ALK: variants seen among roughly 807,000 people sequenced by gnomAD.
ALK encodes the protein ALK tyrosine kinase receptor.
In ALK, 74 loss-of-function variants were observed where a neutral mutation model predicts 163.1. The ratio of observed to expected loss-of-function variants is 0.45; its 90% CI spans 0.38 to 0.55. The LOEUF is 0.55. Ranked by LOEUF, ALK falls within the 20% of genes least tolerant of loss-of-function variation. ALK has a pLI of 0.00. For missense variants in ALK, 2,063 were observed against 2,105.3 expected, an observed-to-expected ratio of 0.98 and a Z score of 0.39; for synonymous variants, 960 against 843.2, an observed-to-expected ratio of 1.14 and a Z score of -2.40.
At chr2:29,768,737 G>GTGTGTC (rs1680933064) in intron 1 of ALK, among the ~76,000 whole-genome samples, 1 of 131,102 alleles carries the variant, frequency 7.6e-6, no homozygotes, top group Non-Finnish European at 1.6e-5. Flanking sequence ...GTGTGTGTGT[G>GTGTGTC]TGTGTGTATA....
chr2:29,439,245 CA>C (rs1670477137), intron 4 of ALK, among the ~76,000 whole-genome samples: 2 of 152,118 alleles, frequency 1.3e-5, no homozygotes. Context: ...GAACAGGTGA[CA>C]ATTGTCAAGG....
At chr2:29,534,916 A>T (rs1239696825) in intron 3 of ALK, among the ~76,000 whole-genome samples, 1 of 152,166 alleles carries the variant, frequency 6.6e-6, no homozygotes, top group Non-Finnish European at 1.5e-5. Context: ...CTGCAACCGG[A>T]CTATCAATAA....
chr2:29,781,626 T>C (rs1318495633), intron 1 of ALK, among the ~76,000 whole-genome samples: 1 of 152,234 alleles, frequency 6.6e-6, no homozygotes, highest in Non-Finnish European at 1.5e-5. Flanking sequence ...TGATGGGTGA[T>C]GAACGGTACT....
At chr2:29,853,862 C>T (rs1666069754) in intron 1 of ALK, among the ~76,000 whole-genome samples, 1 of 151,808 alleles carries the variant, frequency 6.6e-6, no homozygotes, top group Non-Finnish European at 1.5e-5. Flanking sequence ...CACCTCCTGG[C>T]TTTGGGATTT....
intron 11 of ALK, among the ~76,000 whole-genome samples, chr2:29,260,931 T>TTTA (rs1170846432): frequency 6.6e-6 from 1 of 152,062 alleles, no homozygotes; most frequent in Admixed American, 6.5e-5. Context: ...TATCTGGACA[T>TTTA]TCTCTTATTT....
intron 4 of ALK, among the ~76,000 whole-genome samples, chr2:29,490,258 C>T (rs564150176): frequency 2.6e-5 from 4 of 152,170 alleles, no homozygotes; most frequent in South Asian, 2.1e-4. Flanking sequence ...TGGCCTTGGG[C>T]GGAGGAGGGG....
At chr2:29,209,542 C>CAA (rs76343130) in intron 25 of ALK, among the ~76,000 whole-genome samples, 47 of 79,922 alleles carry the variant, frequency 5.9e-4, no homozygotes, top group Non-Finnish European at 1.0e-3. Context: ...AACTCCGTCT[C>CAA]AAAAAAAAAA....
At position 29,366,510 on chromosome 2, in the gene ALK, G is replaced by A. The variant is rs375182825; in HGVS notation, c.1282+17222C>T. Among the ~76,000 whole-genome samples, 12 of 152,198 alleles carry A rather than the reference G, an allele frequency of 7.9e-5. No homozygotes were observed. In the East Asian group the frequency reaches 1.7e-3, roughly 22 times the overall value. On this transcript the variant is annotated intron_variant, in intron 5 of 28. Transcript: ENST00000389048. ...CCCTGAGAGGGGCCCAGAGGTGGTC[G>A]AGAGGGTGTGGGCAGACCTGGAGGT...
chr2:29,393,275 C>T (rs892054466), intron 4 of ALK, among the ~76,000 whole-genome samples: 1 of 152,220 alleles, frequency 6.6e-6, no homozygotes, highest in Admixed American at 6.5e-5. Context: ...CTGACCTTCT[C>T]TTCCCCTCCT....
At chr2:29,544,649 T>C (rs560249313) in intron 3 of ALK, among the ~76,000 whole-genome samples, 1 of 152,162 alleles carries the variant, frequency 6.6e-6, no homozygotes, top group Non-Finnish European at 1.5e-5. Context: ...AATCTATATC[T>C]ATATCTGTAT....
chr2:29,601,474 G>A (rs965392087), intron 3 of ALK, among the ~76,000 whole-genome samples: 4 of 151,974 alleles, frequency 2.6e-5, no homozygotes, highest in South Asian at 2.1e-4. Context: ...GGGAGGGGCC[G>A]GGGCTGTAAC....
intron 1 of ALK, among the ~76,000 whole-genome samples, chr2:29,740,021 A>G (rs1200028534): frequency 7.2e-5 from 11 of 152,146 alleles, no homozygotes. Flanking sequence ...TATCATTTGT[A>G]TTGCATTCAA....
chr2:29,818,255 A>C (rs1664951183), intron 1 of ALK, among the ~76,000 whole-genome samples: 1 of 152,208 alleles, frequency 6.6e-6, no homozygotes, highest in Non-Finnish European at 1.5e-5. Context: ...CTCGAAGAGA[A>C]ATGACTGCAA....
chr2:29,362,910 C>T (rs1668417615), intron 5 of ALK, among the ~76,000 whole-genome samples: 1 of 152,152 alleles, frequency 6.6e-6, no homozygotes, highest in Non-Finnish European at 1.5e-5. Context: ...AATTTCTCTT[C>T]CATTGGTTCC....
chr2:29,718,857 GGGAGAAGA>G (rs1400452505), intron 1 of ALK, among the ~76,000 whole-genome samples: 4 of 152,200 alleles, frequency 2.6e-5, no homozygotes, highest in Non-Finnish European at 5.9e-5. Flanking sequence ...GAGGAAAAGG[GGGAGAAGA>G]GGAGAAGAAG....
intron 4 of ALK, among the ~76,000 whole-genome samples, chr2:29,501,711 C>A (rs1467287325): frequency 2.6e-5 from 4 of 152,138 alleles, no homozygotes; most frequent in African/African-American, 9.7e-5. Context: ...ATAAAATATA[C>A]CAGCTCAACC....
intron 3 of ALK, among the ~76,000 whole-genome samples, chr2:29,553,616 G>A (rs1445068693): frequency 6.6e-6 from 1 of 152,104 alleles, no homozygotes; most frequent in Non-Finnish European, 1.5e-5. Context: ...TACACTCAAT[G>A]CCTAGCGCAT....
intron 1 of ALK, among the ~76,000 whole-genome samples, chr2:29,747,583 T>C (rs1173237423): frequency 6.6e-6 from 1 of 152,212 alleles, no homozygotes; most frequent in Non-Finnish European, 1.5e-5. Flanking sequence ...TTTACATTTT[T>C]ATCCCCTCAA....
intron 4 of ALK, among the ~76,000 whole-genome samples, chr2:29,515,458 T>G (rs1274406702): frequency 2.0e-5 from 3 of 152,072 alleles, no homozygotes; most frequent in African/African-American, 7.2e-5. Context: ...AATAAGTATT[T>G]AATGACTGAA....
Sources: allele counts gnomAD v4.1 joint callset (sites outside exome capture counted in the v4.1 genomes callset), GRCh38; gene constraint gnomAD v4.1.1; transcripts MANE v1.5; gene names NCBI Gene and HGNC (gene_info 2026-07-23, HGNC 2026-07-21).